The following LRSAM1 variants were observed in gnomAD, a reference collection of about 807,000 sequenced individuals.
LRSAM1 encodes the protein E3 ubiquitin-protein ligase LRSAM1.
A neutral mutation model predicts 118.1 loss-of-function variants in LRSAM1; 96 were observed. The ratio of observed to expected loss-of-function variants is 0.81; its 90% CI spans 0.69 to 0.96. The LOEUF (loss-of-function observed/expected upper bound fraction) is 0.96, where lower values mean the gene tolerates loss of function less well. Among genes scored for constraint, LRSAM1 ranks in the 40% least tolerant of loss-of-function variants. LRSAM1 has a pLI of 0.00. For synonymous variants in LRSAM1, 322 were observed against 364.2 expected, an observed-to-expected ratio of 0.88 and a Z score of 1.32; for missense variants, 804 against 915.5, an observed-to-expected ratio of 0.88 and a Z score of 1.57.
Position 127,496,193 on chromosome 9 carries a change from C to T in LRSAM1, c.1830+98C>T, listed in dbSNP as rs1836137831. 14 of 1,515,726 alleles carry T rather than the reference C, an allele frequency of 9.2e-6. 1 individual carries two copies. In the South Asian group the frequency reaches 1.6e-4, roughly 17 times the overall value. 93.9% of individuals were successfully genotyped at this position (1,515,726 alleles called of 1,614,324 possible). A position where few individuals can be genotyped will look rare whatever the true frequency, so the allele number is the denominator to read the frequency against. ...GCTCCTTGTGTAGTCCTCGTTGAGG[C>T]CTGTCCTTACCTAATGGCCCAGGGC... On this transcript the variant is annotated intron_variant, in intron 23 of 25. Coordinates refer to ENST00000300417, the MANE Select transcript of LRSAM1 (RefSeq NM_001005373.4).
At chr9:127,461,365 A>C in intron 8 of LRSAM1, 108 bp downstream of exon 8, 7 of 919,022 alleles carry the variant, frequency 7.6e-6, no homozygotes, top group Non-Finnish European at 1.2e-5. Context: ...GAGGGCAGCC[A>C]GTCTCCGGGG....
intron 18 of LRSAM1, among the ~76,000 whole-genome samples, chr9:127,488,804 T>C (rs1830149346): frequency 6.6e-6 from 1 of 151,728 alleles, no homozygotes; most frequent in Admixed American, 6.6e-5. Context: ...TTGCCCAGGC[T>C]GGTCTCAAAC....
At chr9:127,483,103 T>G (rs1835601640) in intron 16 of LRSAM1, 83 bp downstream of exon 16, 4 of 1,294,024 alleles carry the variant, frequency 3.1e-6, no homozygotes, top group Admixed American at 1.9e-5. Flanking sequence ...CTGTTGGCCA[T>G]GCATGGAGGG....
chr9:127,463,845 C>A (rs146699997), intron 9 of LRSAM1, among the ~76,000 whole-genome samples: 1 of 152,190 alleles, frequency 6.6e-6, no homozygotes, highest in Non-Finnish European at 1.5e-5. Flanking sequence ...AACCTGGAAT[C>A]GCTCCGTGTA....
At chr9:127,472,382 C>T (rs898190967) in intron 10 of LRSAM1, among the ~76,000 whole-genome samples, 3 of 151,876 alleles carry the variant, frequency 2.0e-5, no homozygotes, top group African/African-American at 7.3e-5. Context: ...TGACTCACAC[C>T]TATAATCCCA....
In LRSAM1 at chr9:127,455,001, A is replaced by AAAG; in HGVS notation, c.80_82dup (p.Glu27dup). ...TAAAAATTCTTTTTATCCTTAGGCA[A>AAAG]AAGAAGCTGGGGCAGATGACATTCT... On this transcript the variant is annotated inframe_insertion, in exon 4 of 26. Transcript: ENST00000300417. 6.2e-7 allele frequency: 1 copy of AAAG among 1,614,132 alleles called. No homozygotes were observed. Among genetic ancestry groups the AAAG allele is most frequent in the Non-Finnish European group, 8.5e-7 (1 of 1,179,984 alleles).
chr9:127,458,855 A>G (rs1340451128), intron 6 of LRSAM1, 148 bp from the exon 7 acceptor site: 4 of 717,250 alleles, frequency 5.6e-6, no homozygotes, highest in Non-Finnish European at 1.0e-5. Context: ...TGAGGCGGGA[A>G]TGATCAACAC....
chr9:127,493,190 T>C (rs574970354), intron 21 of LRSAM1, among the ~76,000 whole-genome samples: 190 of 152,172 alleles, frequency 1.2e-3, no homozygotes, highest in African/African-American at 4.5e-3. Flanking sequence ...GCTTCCCGAG[T>C]AGCTGGGACT....
chr9:127,472,299 A>G (rs924631566), intron 10 of LRSAM1, among the ~76,000 whole-genome samples: 1 of 92,496 alleles, frequency 1.1e-5, no homozygotes, highest in African/African-American at 5.2e-5. Context: ...ATGTAGAAGT[A>G]TATATATATA....
intron 11 of LRSAM1, among the ~76,000 whole-genome samples, chr9:127,478,302 C>T (rs1164250779): frequency 6.6e-6 from 1 of 152,162 alleles, no homozygotes; most frequent in Non-Finnish European, 1.5e-5. Context: ...TCCTTCTTGA[C>T]CTTTGACTCA....
At chr9:127,471,655 T>C (rs1835173291) in intron 10 of LRSAM1, among the ~76,000 whole-genome samples, 1 of 149,894 alleles carries the variant, frequency 6.7e-6, no homozygotes, top group Non-Finnish European at 1.5e-5. Flanking sequence ...GGCGTGGTGA[T>C]GCATGCCTGT....
intron 18 of LRSAM1, among the ~76,000 whole-genome samples, chr9:127,488,749 C>T (rs571107942): frequency 6.6e-5 from 10 of 151,828 alleles, no homozygotes; most frequent in Admixed American, 5.3e-4. Context: ...CCACCATGCC[C>T]AGCTAATTTT....
intron 5 of LRSAM1, 127 bp downstream of exon 5, chr9:127,455,747 G>C: frequency 2.2e-6 from 2 of 895,114 alleles, no homozygotes; most frequent in East Asian, 5.0e-5. Flanking sequence ...TATGCTCTTG[G>C]CCTGCAGCAG....
chr9:127,479,093 A>ATG (rs201324048), intron 12 of LRSAM1, 130 bp downstream of exon 12: 59 of 906,364 alleles, frequency 6.5e-5, no homozygotes, highest in African/African-American at 1.2e-4. Flanking sequence ...TTCCTCTTAC[A>ATG]CGCAGTCTGC....
chr9:127,496,909 C>T (rs1380760503), intron 23 of LRSAM1, among the ~76,000 whole-genome samples: 5 of 152,254 alleles, frequency 3.3e-5, no homozygotes, highest in African/African-American at 4.8e-5. Context: ...CTTCTCTCCT[C>T]CCCCACCTGG....
chr9:127,478,987 T>C (rs1327847948), intron 12 of LRSAM1, 24 bp downstream of exon 12: 3 of 1,604,854 alleles, frequency 1.9e-6, no homozygotes, highest in African/African-American at 1.3e-5. Flanking sequence ...TTTACCCTTC[T>C]GTCACTCTTT....
chr9:127,455,472 C>T (rs936595016), intron 4 of LRSAM1, 104 bp from the exon 5 acceptor site: 25 of 1,223,906 alleles, frequency 2.0e-5, no homozygotes, highest in Admixed American at 1.7e-5. Flanking sequence ...GCGTTTTGCC[C>T]TTGTTCACCT....
chr9:127,501,292 C>A, intron 25 of LRSAM1, 149 bp downstream of exon 25: 1 of 1,087,484 alleles, frequency 9.2e-7, no homozygotes, highest in Non-Finnish European at 1.3e-6. Context: ...TAAAGATGAC[C>A]CCTGGTCCCA....
At chr9:127,452,538 G>C (rs1048408877) in intron 2 of LRSAM1, among the ~76,000 whole-genome samples, 3 of 152,292 alleles carry the variant, frequency 2.0e-5, no homozygotes, top group South Asian at 2.1e-4. Context: ...AGCTCCTCTA[G>C]CGGGCCCTGA....
Sources: allele counts gnomAD v4.1 joint callset (sites outside exome capture counted in the v4.1 genomes callset), GRCh38; gene constraint gnomAD v4.1.1; transcripts MANE v1.5; gene names NCBI Gene and HGNC (gene_info 2026-07-23, HGNC 2026-07-21).